Variants in HS1BP3 observed in about 807,000 individuals in gnomAD.
HS1BP3 encodes HCLS1-binding protein 3.
A neutral mutation model predicts 33.5 loss-of-function variants in HS1BP3; 32 were observed. That is an observed-to-expected ratio of 0.95 (90% CI 0.72 to 1.28). The LOEUF (loss-of-function observed/expected upper bound fraction) is 1.28. Among genes scored for constraint, HS1BP3 ranks in the 50% most tolerant of loss-of-function variants. The pLI, the probability that HS1BP3 is intolerant of heterozygous loss-of-function variation, is 0.00. For missense variants in HS1BP3, 486 were observed against 502.3 expected, an observed-to-expected ratio of 0.97 and a Z score of 0.31; for synonymous variants, 187 against 209.2, an observed-to-expected ratio of 0.89 and a Z score of 0.92.
chr2:20,618,524 A>C lies in HS1BP3; in HGVS notation c.*463T>G. ...CAGCTTAGGGTAGGGGAAGGGGAGGATACCGGTCACTCCTTCTTACTATGC... is the reference window on the plus strand; with the variant it reads ...CAGCTTAGGGTAGGGGAAGGGGAGGCTACCGGTCACTCCTTCTTACTATGC... On this transcript the variant is annotated 3_prime_UTR_variant, in exon 7 of 7. Coordinates refer to ENST00000304031, the MANE Select transcript of HS1BP3 (RefSeq NM_022460.4). The C allele has an allele frequency of 5.6e-6, 1 of 178,242 alleles. No homozygotes were observed. The highest frequency in any genetic ancestry group is 1.1e-5 in the Non-Finnish European group (1 of 90,024). 11.0% of individuals were successfully genotyped at this position (178,242 alleles called of 1,614,324 possible).
chr2:20,638,527 C>T lies in HS1BP3; in HGVS notation c.532G>A (p.Glu178Lys). 1.2e-6 allele frequency: 2 copies of T among 1,614,242 alleles called. No homozygotes were observed. Among genetic ancestry groups the T allele is most frequent in the Non-Finnish European group, 1.7e-6 (2 of 1,180,028 alleles). ...AGGCTCTGGACGGGCGGACCCTCTT[C>T]TGCCACTTGGTCTTGCTCCTCAAAA... is the stretch of plus-strand genomic sequence containing the variant. ...DFFEEQDQVA[E>K]EGPPVQSLKG... The change falls in exon 4 of 7, where the codon GAA becomes AAA. Residue 178 changes from glutamate to lysine, a missense_variant. Glu to Lys is a moderately conservative substitution (Grantham distance 56). Transcript: ENST00000304031.
chr2:20,601,225 C>A (rs1236500471), intron 2 of HS1BP3, among the ~76,000 whole-genome samples: 1 of 152,210 alleles, frequency 6.6e-6, no homozygotes, highest in Non-Finnish European at 1.5e-5. Context: ...CTGCACTAAG[C>A]AGCTTCAGAT....
intron 4 of HS1BP3, among the ~76,000 whole-genome samples, chr2:20,632,550 C>G (rs1348923190): frequency 1.3e-5 from 2 of 152,242 alleles, no homozygotes; most frequent in Non-Finnish European, 1.5e-5. Flanking sequence ...GAAGGTTCCT[C>G]AGTCGTAACA....
rs1231116197 is a variant in HS1BP3 at position 20,645,459 on chromosome 2, G to A, written c.79C>T (p.His27Tyr). The A allele has an allele frequency of 6.2e-7, 1 of 1,613,902 alleles. No individual in the cohort carries two copies. The highest frequency in any genetic ancestry group is 8.5e-7 in the Non-Finnish European group (1 of 1,179,994). The change falls in exon 2 of 7, where the codon CAC becomes TAC. Residue 27 changes from histidine to tyrosine, a missense_variant. By Grantham distance (83) the His-to-Tyr change is moderately conservative. Transcript: ENST00000304031. The stretch of plus-strand genomic sequence containing the variant: ...ATCATCTTGCCCCGTACCTCCTGGT[G>A]CTGGGGCACAGTCAGGTCGAGGCCA... ...HTGLDLTVPQ[H>Y]QEVRGKMMSG... is the part of the protein sequence containing the mutation.
intron 5 of HS1BP3, among the ~76,000 whole-genome samples, chr2:20,583,995 C>T (rs937807568): frequency 3.3e-5 from 5 of 152,226 alleles, no homozygotes; most frequent in Non-Finnish European, 5.9e-5. Context: ...CTCACAGACT[C>T]GGGCATAATT....
chr2:20,614,037 T>A (rs764954071), downstream of HS1BP3, among the ~76,000 whole-genome samples: 18 of 152,098 alleles, frequency 1.2e-4, no homozygotes, highest in Non-Finnish European at 2.2e-4. Context: ...TTCTTTCCTA[T>A]AAGAGGGAAA....
chr2:20,614,502 G>A (rs965510924), downstream of HS1BP3, among the ~76,000 whole-genome samples: 2 of 152,208 alleles, frequency 1.3e-5, no homozygotes, highest in Middle Eastern at 3.2e-3. Flanking sequence ...GAACAGAAGT[G>A]AAACTAGAGG....
At chr2:20,650,992 C>A in intron 1 of HS1BP3, 40 bp downstream of exon 1, 1 of 1,233,118 alleles carries the variant, frequency 8.1e-7, no homozygotes, top group Non-Finnish European at 1.0e-6. Context: ...GCGCCCCGGA[C>A]TGCGAGCTGT....
At position 20,587,296 on chromosome 2, in the gene HS1BP3, C is replaced by T. The variant is rs1375824944; in HGVS notation, c.303-26781G>A. 3.9e-5 allele frequency among the ~76,000 whole-genome samples: 6 copies of T among 152,126 alleles called. No individual in the cohort carries two copies. In the East Asian group the frequency reaches 9.6e-4, roughly 24 times the overall value. The stretch of plus-strand genomic sequence containing the variant: ...AAAGTGAAAAAAGGAGGCTGCAAAG[C>T]GTACGAGCCCACTCTTAGGAAGCAT... On this transcript the variant is annotated intron_variant, in intron 5 of 5. Transcript: ENST00000446825.
chr2:20,559,013 G>A (rs919904236), downstream of HS1BP3, among the ~76,000 whole-genome samples: 1 of 152,226 alleles, frequency 6.6e-6, no homozygotes, highest in African/African-American at 2.4e-5. Context: ...AGCAGGGCTT[G>A]CTGGCACCCA....
intron 5 of HS1BP3, among the ~76,000 whole-genome samples, chr2:20,578,529 T>C (rs1410330896): frequency 1.3e-5 from 2 of 152,148 alleles, no homozygotes; most frequent in African/African-American, 4.8e-5. Context: ...ACACACCACC[T>C]ATATCCCGAG....
At chr2:20,619,516 T>A (rs1694528482) in intron 6 of HS1BP3, among the ~76,000 whole-genome samples, 1 of 152,158 alleles carries the variant, frequency 6.6e-6, no homozygotes, top group Non-Finnish European at 1.5e-5. Flanking sequence ...TGAGAGTTGC[T>A]CTTCAGGTGA....
chr2:20,559,469 A>AATGG (rs759102939), downstream of HS1BP3, among the ~76,000 whole-genome samples: 10 of 149,418 alleles, frequency 6.7e-5, no homozygotes, highest in Non-Finnish European at 1.0e-4. Context: ...TGGATGGATG[A>AATGG]ATGGATGGAT....
downstream of HS1BP3, among the ~76,000 whole-genome samples, chr2:20,589,379 T>C (rs1693757600): frequency 6.6e-6 from 1 of 152,286 alleles, no homozygotes; most frequent in East Asian, 1.9e-4. Context: ...ACTAAACCCC[T>C]GTGGAACATG....
At chr2:20,624,951 G>A (rs967765122) in intron 4 of HS1BP3, 59 bp from the exon 5 acceptor site, 23 of 1,588,852 alleles carry the variant, frequency 1.4e-5, no homozygotes, top group African/African-American at 2.7e-5. Flanking sequence ...CAGGTGGTCC[G>A]GTCAGACCGA....
At chr2:20,571,365 G>A (rs1298700502) in intron 5 of HS1BP3, among the ~76,000 whole-genome samples, 1 of 152,152 alleles carries the variant, frequency 6.6e-6, no homozygotes. Flanking sequence ...TGAGCCCCGG[G>A]GCCACCCCAT....
At chr2:20,638,673 G>A in intron 3 of HS1BP3, 21 bp from the exon 4 acceptor site, 1 of 1,596,622 alleles carries the variant, frequency 6.3e-7, no homozygotes, top group Non-Finnish European at 8.6e-7. Flanking sequence ...AGACAGAAAA[G>A]AATGGACTTG....
chr2:20,640,581 G>A (rs927060672), intron 3 of HS1BP3: 15 of 451,800 alleles, frequency 3.3e-5, no homozygotes, highest in Non-Finnish European at 4.7e-5. Context: ...CAGCTTTCCC[G>A]GGATACTGCA....
At chr2:20,559,136 G>A (rs1000541645), downstream of HS1BP3, among the ~76,000 whole-genome samples, 2 of 152,184 alleles carry the variant, frequency 1.3e-5, no homozygotes, top group Non-Finnish European at 2.9e-5. Flanking sequence ...TGTAGGAACT[G>A]GGGCCAGAGA....
Sources: gnomAD v4.1 joint callset for allele counts (sites outside exome capture counted in the v4.1 genomes callset) on GRCh38, gnomAD v4.1.1 for gene constraint, MANE v1.5 for transcripts, NCBI Gene and HGNC (gene_info 2026-07-23, HGNC 2026-07-21) for gene names.